SYNGR1: variants seen among roughly 807,000 people sequenced by gnomAD.
SYNGR1 encodes the protein synaptogyrin-1.
In SYNGR1, 14 loss-of-function variants were observed where a neutral mutation model predicts 26.1. The observed-to-expected ratio is 0.54, with a 90% CI of 0.35 to 0.84. The LOEUF (loss-of-function observed/expected upper bound fraction) is 0.84, where lower values mean the gene tolerates loss of function less well. Among genes scored for constraint, SYNGR1 ranks in the 40% least tolerant of loss-of-function variants. The pLI is 0.01. For missense variants in SYNGR1, 319 were observed against 332.9 expected, an observed-to-expected ratio of 0.96 and a Z score of 0.33; for synonymous variants, 141 against 150.1, an observed-to-expected ratio of 0.94 and a Z score of 0.44.
At chr22:39,377,185 T>C in intron 3 of SYNGR1, 1 of 1,449,138 alleles carries the variant, frequency 6.9e-7, no homozygotes, top group South Asian at 1.5e-5. Context: ...CCTTCTGGTT[T>C]GCCCCGGGTT....
intron 3 of SYNGR1, chr22:39,377,700 G>C (rs1376567600): frequency 1.9e-6 from 3 of 1,612,642 alleles, no homozygotes; most frequent in Non-Finnish European, 2.5e-6. Flanking sequence ...GGCCTCCCCG[G>C]CTTGCAGAGG....
Position 39,374,510 on chromosome 22 carries a change from C to T in SYNGR1, c.294C>T (p.Val98=), listed in dbSNP as rs752966909. Residue 98 remains valine (V), a synonymous_variant, in exon 2 of 4, where the codon GTC becomes GTT. Transcript: ENST00000328933. ...TGTACTTCCCGCAGATCAGCAGCGT[C>T]AAGGACCGCAAGAAAGCCGTCCTGT... ...LDVYFPQISS[V]KDRKKAVLSD... 1.9e-6 allele frequency: 3 copies of T among 1,613,604 alleles called. No homozygotes were observed. In the African/African-American group the frequency reaches 4.0e-5, roughly 22 times the overall value.
chr22:39,381,611 C>A, intron 3 of SYNGR1, 85 bp from the exon 4 acceptor site: 4 of 1,404,430 alleles, frequency 2.8e-6, no homozygotes, highest in Non-Finnish European at 4.0e-6. Context: ...TGTGAACTAA[C>A]CACCACTAAC....
chr22:39,358,318 C>G (rs969256941), intron 1 of SYNGR1, among the ~76,000 whole-genome samples: 3 of 151,926 alleles, frequency 2.0e-5, no homozygotes, highest in South Asian at 2.1e-4. Context: ...ACAGGCCACT[C>G]GGCTCTACCA....
At chr22:39,362,872 C>A (rs1924551397) in intron 1 of SYNGR1, among the ~76,000 whole-genome samples, 1 of 152,124 alleles carries the variant, frequency 6.6e-6, no homozygotes, top group South Asian at 2.1e-4. Flanking sequence ...TGTCTACTCC[C>A]CTCAAAGCCT....
At chr22:39,360,204 G>A (rs1032067035) in intron 1 of SYNGR1, among the ~76,000 whole-genome samples, 7 of 152,084 alleles carry the variant, frequency 4.6e-5, no homozygotes, top group African/African-American at 1.7e-4. Context: ...ACCTACTCAA[G>A]GACACACGTC....
intron 1 of SYNGR1, among the ~76,000 whole-genome samples, chr22:39,358,380 A>G (rs1021746427): frequency 6.6e-6 from 1 of 152,188 alleles, no homozygotes; most frequent in Non-Finnish European, 1.5e-5. Flanking sequence ...AGGCTGCCCG[A>G]GCTTGCATTG....
At chr22:39,358,460 G>C (rs1463328423) in intron 1 of SYNGR1, among the ~76,000 whole-genome samples, 1 of 152,176 alleles carries the variant, frequency 6.6e-6, no homozygotes, top group Non-Finnish European at 1.5e-5. Context: ...CTCACTCTTT[G>C]GGTCCACACT....
intron 1 of SYNGR1, among the ~76,000 whole-genome samples, chr22:39,351,355 C>T (rs1208094617): frequency 6.6e-6 from 1 of 152,222 alleles, no homozygotes; most frequent in African/African-American, 2.4e-5. Flanking sequence ...AGGATGACCC[C>T]ATTTAAAGCC....
intron 3 of SYNGR1, chr22:39,376,912 T>C: frequency 6.6e-7 from 1 of 1,524,122 alleles, no homozygotes; most frequent in Non-Finnish European, 8.8e-7. Context: ...AAACAAAGTA[T>C]GTCTCTGGGC....
chr22:39,381,622 C>G (rs1384435030), intron 3 of SYNGR1, 74 bp from the exon 4 acceptor site: 1 of 1,492,134 alleles, frequency 6.7e-7, no homozygotes, highest in Non-Finnish European at 9.3e-7. Context: ...CACCACTAAC[C>G]CAGTGCTCTT....
chr22:39,357,535 A>G (rs971546892), intron 1 of SYNGR1, among the ~76,000 whole-genome samples: 5 of 152,096 alleles, frequency 3.3e-5, no homozygotes, highest in Non-Finnish European at 7.4e-5. Context: ...GGAGGTGTGG[A>G]GGGAGAGGCG....
At chr22:39,371,814 C>G (rs1925036539) in intron 1 of SYNGR1, among the ~76,000 whole-genome samples, 1 of 152,066 alleles carries the variant, frequency 6.6e-6, no homozygotes, top group Admixed American at 6.6e-5. Flanking sequence ...GTCAGGTACC[C>G]TGGGTTTGAA....
At chr22:39,372,123 C>CTTTTTTT (rs71197177) in intron 1 of SYNGR1, among the ~76,000 whole-genome samples, 4 of 70,230 alleles carry the variant, frequency 5.7e-5, no homozygotes, top group Non-Finnish European at 7.7e-5. Context: ...TAGATCCATT[C>CTTTTTTT]TTTTTTTTTT....
chr22:39,380,292 G>A (rs1479809463), intron 3 of SYNGR1, among the ~76,000 whole-genome samples: 1 of 152,122 alleles, frequency 6.6e-6, no homozygotes, highest in Non-Finnish European at 1.5e-5. Context: ...TTAGAATTAG[G>A]TTCAGCAGCA....
intron 1 of SYNGR1, among the ~76,000 whole-genome samples, chr22:39,354,734 G>T (rs1334402977): frequency 6.6e-6 from 1 of 152,106 alleles, no homozygotes; most frequent in Non-Finnish European, 1.5e-5. Flanking sequence ...AGCTACTCAG[G>T]AGGCTGAGGC....
At chr22:39,362,201 A>G (rs1197166451) in intron 1 of SYNGR1, among the ~76,000 whole-genome samples, 1 of 152,008 alleles carries the variant, frequency 6.6e-6, no homozygotes, top group African/African-American at 2.4e-5. Flanking sequence ...ACTCAGCCAG[A>G]GGAGAGGAAG....
In SYNGR1 at chr22:39,367,594, G is replaced by A. The variant is rs537180057; in HGVS notation, c.100-6722G>A. ...CCCCAGCACTTTGGGAGGCCGAGGCGGGCAAATCACCTGAGATCAGGAGTT... is the reference window on the plus strand; with the variant it reads ...CCCCAGCACTTTGGGAGGCCGAGGCAGGCAAATCACCTGAGATCAGGAGTT... On this transcript the variant is annotated intron_variant, in intron 1 of 3. Transcript: ENST00000328933. Among the ~76,000 whole-genome samples, 50 of 152,128 alleles carry A rather than the reference G, an allele frequency of 3.3e-4. 1 individual carries two copies. Among genetic ancestry groups the A allele is most frequent in the Admixed American group, 6.5e-4 (10 of 15,284 alleles).
At chr22:39,355,843 C>T (rs1924120037) in intron 1 of SYNGR1, among the ~76,000 whole-genome samples, 1 of 152,146 alleles carries the variant, frequency 6.6e-6, no homozygotes, top group African/African-American at 2.4e-5. Flanking sequence ...CATAGCGAAA[C>T]CCTATCTCTA....
Sources: allele counts gnomAD v4.1 joint callset (sites outside exome capture counted in the v4.1 genomes callset), GRCh38; gene constraint gnomAD v4.1.1; transcripts MANE v1.5; gene names NCBI Gene and HGNC (gene_info 2026-07-23, HGNC 2026-07-21).